Variants in SGCD observed in about 807,000 individuals in gnomAD.
SGCD encodes sarcoglycan delta.
In SGCD, 18 loss-of-function variants were observed where a neutral mutation model predicts 36.6. The observed-to-expected ratio is 0.49, with a 90% CI of 0.34 to 0.73. SGCD has a LOEUF of 0.73. SGCD is among the 30% of genes least tolerant of loss of function. The probability of loss-of-function intolerance (pLI) is 0.01; values close to 1 mark genes in which losing one functional copy is unlikely to be tolerated. For synonymous variants in SGCD, 133 were observed against 130.6 expected (o/e 1.02, Z -0.12); for missense variants, 387 against 346.7 (o/e 1.12, Z -0.92).
chr5:156,139,959 C>T (rs1195371741), intron 3 of SGCD, among the ~76,000 whole-genome samples: 2 of 152,190 alleles, frequency 1.3e-5, no homozygotes, highest in Admixed American at 6.5e-5. Context: ...TCATTTCACT[C>T]ATCTGCCATG....
intron 1 of SGCD, among the ~76,000 whole-genome samples, chr5:156,072,909 C>T (rs1447470126): frequency 6.6e-6 from 1 of 152,264 alleles, no homozygotes; most frequent in Non-Finnish European, 1.5e-5. Context: ...ACCCTTTGTT[C>T]CAGTTGATCG....
At chr5:156,100,308 A>C (rs1390067605) in intron 1 of SGCD, among the ~76,000 whole-genome samples, 2 of 152,174 alleles carry the variant, frequency 1.3e-5, no homozygotes, top group Admixed American at 1.3e-4. Context: ...AAAAAAAAAA[A>C]CCATCTAAAG....
chr5:156,342,044 A>T (rs1768683341), intron 2 of SGCD, among the ~76,000 whole-genome samples: 1 of 152,106 alleles, frequency 6.6e-6, no homozygotes, highest in Admixed American at 6.6e-5. Flanking sequence ...TCCATCAGTA[A>T]CTCTGATGTG....
At chr5:156,586,569 A>C (rs988570832) in intron 4 of SGCD, among the ~76,000 whole-genome samples, 1 of 152,072 alleles carries the variant, frequency 6.6e-6, no homozygotes, top group Non-Finnish European at 1.5e-5. Context: ...TGACTATTCA[A>C]CCTCATTTAT....
chr5:156,542,096 G>A (rs150554215), intron 4 of SGCD, among the ~76,000 whole-genome samples: 1 of 152,226 alleles, frequency 6.6e-6, no homozygotes, highest in East Asian at 1.9e-4. Context: ...AATAAAGTGT[G>A]TTTCAAGATG....
Position 155,971,292 on chromosome 5 carries a change from G to A in SGCD, c.-282+100868G>A, listed in dbSNP as rs116263302. On this transcript the variant is annotated intron_variant, in intron 1 of 9. Coordinates refer to the SGCD transcript ENST00000517913. ...CATGTCTAATAAGCCAAGTCTGTCT[G>A]GCAGCAAAGTTCTCCTCTAATCCAT... 3.1e-3 allele frequency among the ~76,000 whole-genome samples: 477 copies of A among 152,230 alleles called. 4 individuals carry two copies. Among genetic ancestry groups the A allele is most frequent in the African/African-American group, 0.01 (431 of 41,566 alleles).
chr5:155,888,817 C>T (rs1756062937), intron 1 of SGCD, among the ~76,000 whole-genome samples: 2 of 152,056 alleles, frequency 1.3e-5, no homozygotes, highest in South Asian at 2.1e-4. Flanking sequence ...ATTTCTTCAG[C>T]GTAAAATATT....
the SGCD span, among the ~76,000 whole-genome samples, chr5:155,830,811 C>T: frequency 1.3e-5 from 2 of 152,138 alleles, no homozygotes; most frequent in African/African-American, 4.8e-5. Flanking sequence ...ATAAGTTCTT[C>T]CCCCTGATAT....
chr5:155,970,551 A>G (rs879277767), intron 1 of SGCD, among the ~76,000 whole-genome samples: 8 of 152,136 alleles, frequency 5.3e-5, no homozygotes, highest in Non-Finnish European at 1.0e-4. Context: ...AATTGCCATT[A>G]TATTTTATTC....
upstream of SGCD, among the ~76,000 whole-genome samples, chr5:155,866,105 T>C (rs1484922020): frequency 6.6e-6 from 1 of 152,184 alleles, no homozygotes; most frequent in African/African-American, 2.4e-5. Flanking sequence ...ACTTTATGTA[T>C]ACCACCCATT....
In SGCD at chr5:156,286,755, A is replaced by C. The variant is rs369073196; in HGVS notation, c.-43-42779A>C. ...AAGTTACTGGGTGCAGCACACCAAC[A>C]TGGCACATGTATACATATGTAACAA... On this transcript the variant is annotated intron_variant, in intron 3 of 9. Transcript: ENST00000517913. Among the ~76,000 whole-genome samples, 2 of 152,246 alleles carry C rather than the reference A, an allele frequency of 1.3e-5. 1 individual carries two copies.
chr5:156,157,253 T>C (rs1236069082), intron 3 of SGCD, among the ~76,000 whole-genome samples: 1 of 151,788 alleles, frequency 6.6e-6, no homozygotes, highest in Non-Finnish European at 1.5e-5. Context: ...GACTCAGTGC[T>C]TTCTTATATA....
At chr5:156,691,966 CTT>C (rs5872479) in intron 7 of SGCD, among the ~76,000 whole-genome samples, 139,383 of 152,164 alleles carry the variant, frequency 0.92, 64,007 homozygotes, top group East Asian at 0.99. Flanking sequence ...AGGAGAAGCT[CTT>C]AATATATCAT....
chr5:156,489,583 T>G (rs984541286), intron 3 of SGCD, among the ~76,000 whole-genome samples: 5 of 152,070 alleles, frequency 3.3e-5, no homozygotes, highest in African/African-American at 1.2e-4. Context: ...CTTTGGAAAC[T>G]GTGCAAATAC....
intron 7 of SGCD, among the ~76,000 whole-genome samples, chr5:156,670,339 A>C (rs1407082057): frequency 1.3e-5 from 2 of 152,164 alleles, no homozygotes; most frequent in Non-Finnish European, 2.9e-5. Context: ...AAATAGAGTA[A>C]TGTGATTTTA....
the SGCD span, among the ~76,000 whole-genome samples, chr5:155,821,922 A>G: frequency 1.3e-5 from 2 of 152,218 alleles, no homozygotes; most frequent in Non-Finnish European, 2.9e-5. Flanking sequence ...TGTGAAGACT[A>G]TATGATGGTT....
At chr5:156,111,031 T>C (rs1761771136) in intron 1 of SGCD, among the ~76,000 whole-genome samples, 1 of 152,132 alleles carries the variant, frequency 6.6e-6, no homozygotes. Flanking sequence ...TTTACACTAT[T>C]ACATTAAAGA....
At chr5:156,124,467 G>A (rs1249794853) in intron 3 of SGCD, among the ~76,000 whole-genome samples, 3 of 152,138 alleles carry the variant, frequency 2.0e-5, no homozygotes, top group African/African-American at 7.2e-5. Flanking sequence ...AAGGTCTTTA[G>A]GGGAGTTGTC....
At chr5:156,307,552 GTTGTTTT>G (rs1416019949) in intron 3 of SGCD, among the ~76,000 whole-genome samples, 2 of 48,442 alleles carry the variant, frequency 4.1e-5, no homozygotes, top group African/African-American at 9.2e-5. Context: ...CATTTTAACT[GTTGTTTT>G]TTTTTTTTTT....
Sources: allele counts gnomAD v4.1 joint callset (sites outside exome capture counted in the v4.1 genomes callset), GRCh38; gene constraint gnomAD v4.1.1; transcripts MANE v1.5; gene names NCBI Gene and HGNC (gene_info 2026-07-23, HGNC 2026-07-21).